Variants in NSMAF observed in about 807,000 individuals in gnomAD.
The protein encoded by NSMAF is neutral sphingomyelinase activation associated factor.
In NSMAF, 90 loss-of-function variants were observed where a neutral mutation model predicts 134.9. That is an observed-to-expected ratio of 0.67 (90% CI 0.56 to 0.79). The LOEUF is 0.79. Among genes scored for constraint, NSMAF ranks in the 30% least tolerant of loss-of-function variants. The probability of loss-of-function intolerance (pLI) is 0.00; values close to 1 mark genes in which losing one functional copy is unlikely to be tolerated. For missense variants in NSMAF, 1,010 were observed against 1,119.0 expected (o/e 0.90, Z 1.39); for synonymous variants, 358 against 389.6 (o/e 0.92, Z 0.96).
At chr8:58,603,455 T>A in intron 12 of NSMAF, 69 bp from the exon 13 acceptor site, 1 of 1,448,250 alleles carries the variant, frequency 6.9e-7, no homozygotes, top group Non-Finnish European at 9.6e-7. Context: ...GCTAGGGGCT[T>A]AACGTGTAGA....
At chr8:58,652,687 C>A (rs1003504321) in intron 1 of NSMAF, among the ~76,000 whole-genome samples, 2 of 152,076 alleles carry the variant, frequency 1.3e-5, no homozygotes, top group Non-Finnish European at 2.9e-5. Flanking sequence ...CTGTGAGGTA[C>A]CCCCCCAACA....
intron 27 of NSMAF, among the ~76,000 whole-genome samples, chr8:58,587,302 T>C (rs944851676): frequency 6.6e-6 from 1 of 152,186 alleles, no homozygotes; most frequent in East Asian, 1.9e-4. Context: ...ATAGGCCCTA[T>C]CTTGTTGCCC....
intron 6 of NSMAF, 52 bp from the exon 7 acceptor site, chr8:58,623,832 A>T (rs1806850261): frequency 5.6e-6 from 8 of 1,424,426 alleles, no homozygotes; most frequent in Non-Finnish European, 6.9e-6. Context: ...AGTGTGCCAA[A>T]CTATGCTACT....
intron 11 of NSMAF, among the ~76,000 whole-genome samples, chr8:58,606,736 C>A (rs1348498687): frequency 3.9e-5 from 6 of 152,174 alleles, no homozygotes; most frequent in African/African-American, 1.4e-4. Flanking sequence ...AAGCCCAGAG[C>A]TACCCTTGGT....
rs201173954 is a variant in NSMAF at position 58,592,908 on chromosome 8, C to CA, written c.1951+1323dup. ...TCTCAAAAAAAAACAAAAACAAAAA[C>CA]AACAACAACAAAAAAAAAACCTCTC... On this transcript the variant is annotated intron_variant, in intron 23 of 30. Transcript: ENST00000038176. Among the ~76,000 whole-genome samples, 1,102 of 111,446 alleles carry CA rather than the reference C, an allele frequency of 9.9e-3. 6 individuals carry two copies. The highest frequency in any genetic ancestry group is 0.017 in the South Asian group (64 of 3,712). The allele number at this position is 111,446 out of a possible 152,430, so 73.1% of individuals were successfully genotyped here.
chr8:58,609,806 C>A, intron 9 of NSMAF, 73 bp from the exon 10 acceptor site: 3 of 1,430,812 alleles, frequency 2.1e-6, no homozygotes, highest in Non-Finnish European at 2.9e-6. Flanking sequence ...TCTAAGGGAG[C>A]TACAGTGTGA....
At chr8:58,617,008 C>A (rs1450661835) in intron 9 of NSMAF, among the ~76,000 whole-genome samples, 2 of 152,142 alleles carry the variant, frequency 1.3e-5, no homozygotes, top group Non-Finnish European at 2.9e-5. Context: ...AAGATGGCAG[C>A]ATCTACATAC....
chr8:58,641,660 G>A (rs565256075), intron 2 of NSMAF, among the ~76,000 whole-genome samples: 3 of 152,282 alleles, frequency 2.0e-5, no homozygotes, highest in South Asian at 2.1e-4. Flanking sequence ...GTCTCCTGTA[G>A]GATTGTTCCT....
intron 27 of NSMAF, among the ~76,000 whole-genome samples, chr8:58,587,218 C>T (rs1001012308): frequency 1.3e-5 from 2 of 152,200 alleles, no homozygotes; most frequent in Non-Finnish European, 2.9e-5. Context: ...TGGTCACTGT[C>T]CCCCACTGTT....
At chr8:58,602,914 T>C (rs1806317605) in intron 13 of NSMAF, among the ~76,000 whole-genome samples, 1 of 152,176 alleles carries the variant, frequency 6.6e-6, no homozygotes, top group South Asian at 2.1e-4. Flanking sequence ...AGCAAATATT[T>C]CAAAACGTGG....
chr8:58,604,878 G>A, intron 12 of NSMAF, among the ~76,000 whole-genome samples: 1 of 151,844 alleles, frequency 6.6e-6, no homozygotes, highest in South Asian at 2.1e-4. Context: ...CGAGTAGCTG[G>A]GACTACAGGC....
intron 1 of NSMAF, among the ~76,000 whole-genome samples, chr8:58,654,366 C>G (rs1807654041): frequency 1.3e-5 from 2 of 152,152 alleles, no homozygotes; most frequent in South Asian, 4.1e-4. Context: ...GCCTGACCAA[C>G]ATGGAGAAAC....
At position 58,585,185 on chromosome 8, in the gene NSMAF, T is replaced by G. The variant is rs562989397; in HGVS notation, c.2659+467A>C. ...GTTTATTATACTTCACATAAACAATTTAATACACATATACCCTCTCTTATT... is the reference window on the plus strand; with the variant it reads ...GTTTATTATACTTCACATAAACAATGTAATACACATATACCCTCTCTTATT... On this transcript the variant is annotated intron_variant, in intron 30 of 30. Coordinates refer to ENST00000038176, the MANE Select transcript of NSMAF (RefSeq NM_003580.4). 3.5e-4 allele frequency among the ~76,000 whole-genome samples: 54 copies of G among 152,288 alleles called. No homozygotes were observed. In the South Asian group the frequency reaches 0.011, roughly 30 times the overall value.
chr8:58,583,933 C>A lies in NSMAF; in HGVS notation c.*173G>T. 1.6e-6 allele frequency: 1 copy of A among 617,804 alleles called. No individual in the cohort carries two copies. Among genetic ancestry groups the A allele is most frequent in the Non-Finnish European group, 2.9e-6 (1 of 346,332 alleles). The allele number at this position is 617,804 out of a possible 1,614,324, so 38.3% of individuals were successfully genotyped here. On this transcript the variant is annotated 3_prime_UTR_variant, in exon 31 of 31. Coordinates refer to ENST00000038176, the MANE Select transcript of NSMAF (RefSeq NM_003580.4). ...CATTTTATCTGCCCTAAGAGAATAG[C>A]AACTAATGGCTTTCAATGAAGTCAC...
chr8:58,638,360 C>G (rs555861288), intron 2 of NSMAF, among the ~76,000 whole-genome samples: 4 of 152,146 alleles, frequency 2.6e-5, no homozygotes, highest in South Asian at 4.2e-4. Context: ...TAATCTTGAA[C>G]AAGAAGAACA....
chr8:58,593,918 A>G (rs913666472), intron 23 of NSMAF, among the ~76,000 whole-genome samples: 2 of 152,178 alleles, frequency 1.3e-5, no homozygotes, highest in African/African-American at 4.8e-5. Context: ...CTCACAGCCA[A>G]CCCCAACAAG....
intron 1 of NSMAF, among the ~76,000 whole-genome samples, chr8:58,658,852 T>G (rs965978800): frequency 2.0e-5 from 3 of 152,208 alleles, no homozygotes; most frequent in Non-Finnish European, 4.4e-5. Context: ...AAATCCTTAC[T>G]GGGATGCTGG....
At chr8:58,611,256 A>T (rs1173627479) in intron 9 of NSMAF, among the ~76,000 whole-genome samples, 1 of 152,170 alleles carries the variant, frequency 6.6e-6, no homozygotes, top group Non-Finnish European at 1.5e-5. Flanking sequence ...AAGGATCAAG[A>T]ACAGTCTAGG....
chr8:58,595,887 C>A (rs757445866), intron 21 of NSMAF: 7 of 390,462 alleles, frequency 1.8e-5, no homozygotes, highest in Non-Finnish European at 3.3e-5. Context: ...TCTTTTTATA[C>A]TTTAACAATG....
Sources: gnomAD v4.1 joint callset for allele counts (sites outside exome capture counted in the v4.1 genomes callset) on GRCh38, gnomAD v4.1.1 for gene constraint, MANE v1.5 for transcripts, NCBI Gene and HGNC (gene_info 2026-07-23, HGNC 2026-07-21) for gene names.